CMC2: variants seen among roughly 807,000 people sequenced by gnomAD.
The protein encoded by CMC2 is C-X9-C motif containing 2.
Under a neutral mutation model 7.5 loss-of-function variants are expected in CMC2, and 5 were observed. The ratio of observed to expected loss-of-function variants is 0.66; its 90% CI spans 0.35 to 1.40. CMC2 has a LOEUF of 1.40. Ranked by LOEUF, CMC2 falls within the 40% of genes most tolerant of loss-of-function variation. The pLI is 0.04. For missense variants in CMC2, 115 were observed against 92.3 expected (o/e 1.25, Z -1.01); for synonymous variants, 37 against 31.4 (o/e 1.18, Z -0.60).
Position 81,006,853 on chromosome 16 carries a change from A to C in CMC2, c.-155T>G, listed in dbSNP as rs1322646082. ...GCTTGCCAGACGCCGAAACCCAGTG[A>C]CGCCCTCCACCGCTCCACCGTGCTC... On this transcript the variant is annotated 5_prime_UTR_variant, in exon 1 of 4. Coordinates refer to ENST00000219400, the MANE Select transcript of CMC2 (RefSeq NM_020188.5). 4 of 985,474 alleles carry C rather than the reference A, an allele frequency of 4.1e-6. No homozygotes were observed. Among genetic ancestry groups the C allele is most frequent in the African/African-American group, 1.7e-5 (1 of 57,172 alleles). The allele number at this position is 985,474 out of a possible 1,614,324, so 61.0% of individuals were successfully genotyped here.
At chr16:80,982,299 G>T (rs1967181509) in intron 2 of CMC2, 1 of 153,444 alleles carries the variant, frequency 6.5e-6, no homozygotes, top group South Asian at 2.0e-4. Context: ...ACGAGGTCAG[G>T]CGTCAAGATC....
At chr16:80,996,358 A>T (rs1174937657) in intron 2 of CMC2, among the ~76,000 whole-genome samples, 1 of 152,214 alleles carries the variant, frequency 6.6e-6, no homozygotes, top group Admixed American at 6.5e-5. Flanking sequence ...AAATTGAAAT[A>T]TTCTACTTTA....
Position 80,973,319 on chromosome 16 carries a change from T to C in CMC2, c.*2774A>G, listed in dbSNP as rs952360324. 1 of 152,130 alleles carries C rather than the reference T, an allele frequency of 6.6e-6. No individual in the cohort carries two copies. Among genetic ancestry groups the C allele is most frequent in the Non-Finnish European group, 1.5e-5 (1 of 68,020 alleles). 9.4% of individuals were successfully genotyped at this position (152,130 alleles called of 1,614,324 possible). On this transcript the variant is annotated 3_prime_UTR_variant, in exon 4 of 4. Transcript: ENST00000219400. ...GGCCCCACTCAAACGGTATCAGCCC[T>C]AGTGATTTGGTGCCTTCTACCAAAC...
chr16:81,005,000 G>A (rs1051256711), intron 1 of CMC2, among the ~76,000 whole-genome samples: 10 of 152,152 alleles, frequency 6.6e-5, no homozygotes, highest in African/African-American at 2.4e-4. Flanking sequence ...GGCTGCACAG[G>A]AAATTTACAC....
At chr16:80,997,612 C>G in intron 1 of CMC2, 183 bp from the exon 2 acceptor site, 1 of 440,192 alleles carries the variant, frequency 2.3e-6, no homozygotes, top group South Asian at 3.6e-5. Context: ...TTAAGATATT[C>G]AGCAAGTTAT....
At chr16:80,996,701 T>C (rs980016344) in intron 2 of CMC2, among the ~76,000 whole-genome samples, 8 of 152,218 alleles carry the variant, frequency 5.3e-5, no homozygotes, top group Non-Finnish European at 8.8e-5. Context: ...AAATGCTTCT[T>C]GTAACAACGG....
At chr16:81,000,637 C>T (rs1238291327) in intron 1 of CMC2, among the ~76,000 whole-genome samples, 2 of 152,070 alleles carry the variant, frequency 1.3e-5, no homozygotes, top group East Asian at 3.9e-4. Flanking sequence ...CAAATCAAAA[C>T]CACAATGAGA....
At chr16:81,006,552 C>T (rs1969359628) in intron 1 of CMC2, 182 bp downstream of exon 1, 1 of 275,654 alleles carries the variant, frequency 3.6e-6, no homozygotes, top group South Asian at 1.4e-4. Context: ...AGCGCCCAGC[C>T]ACCTCGCTCG....
rs1448551484 is a variant in CMC2 at position 80,968,933 on chromosome 16, C to T, written c.*7160G>A. The T allele has an allele frequency of 6.6e-6, 1 of 152,190 alleles. No homozygotes were observed. Among genetic ancestry groups the T allele is most frequent in the East Asian group, 1.9e-4 (1 of 5,196 alleles). 9.4% of individuals were successfully genotyped at this position (152,190 alleles called of 1,614,324 possible). The stretch of plus-strand genomic sequence containing the variant: ...GGAATGGTGTGAGAAACAAGAATAT[C>T]ACATAAAGCCAGGAGATGGTAATCC... On this transcript the variant is annotated 3_prime_UTR_variant, in exon 4 of 4. Coordinates refer to ENST00000219400, the MANE Select transcript of CMC2 (RefSeq NM_020188.5).
At position 80,988,634 on chromosome 16, in the gene CMC2, G is replaced by A. The variant is rs772156465; in HGVS notation, c.82-6757C>T. ...AGGACTTAAATTTAAGTCTCCATAC[G>A]ATTACCAAAATTAGGAAATTAACAT... On this transcript the variant is annotated intron_variant, in intron 2 of 3. Coordinates refer to ENST00000219400, the MANE Select transcript of CMC2 (RefSeq NM_020188.5). The A allele has an allele frequency of 4.5e-5, 31 of 696,114 alleles. 1 individual carries two copies. Among genetic ancestry groups the A allele is most frequent in the African/African-American group, 1.9e-4 (11 of 56,700 alleles). 43.1% of individuals were successfully genotyped at this position (696,114 alleles called of 1,614,324 possible). A position where few individuals can be genotyped will look rare whatever the true frequency, so the allele number is the denominator to read the frequency against.
rs1967368683 is a variant in CMC2, at chr16:80,984,445, G to A, written c.82-2568C>T. ...TGCTTCACCACCATTTTAAACGTAC[G>A]TTTCAATTCCACACTGAATAAGTGG... On this transcript the variant is annotated intron_variant, in intron 2 of 3. Coordinates refer to ENST00000219400, the MANE Select transcript of CMC2 (RefSeq NM_020188.5). Among the ~76,000 whole-genome samples, 4 of 152,156 alleles carry A rather than the reference G, an allele frequency of 2.6e-5. No individual in the cohort carries two copies. The South Asian group carries it at 8.3e-4, about 32-fold the overall frequency.
At chr16:80,979,799 T>G (rs1013281665) in intron 3 of CMC2, among the ~76,000 whole-genome samples, 7 of 151,518 alleles carry the variant, frequency 4.6e-5, no homozygotes, top group African/African-American at 1.7e-4. Flanking sequence ...TTTTTTGTAC[T>G]TTCAGTAGAG....
In CMC2 at chr16:80,978,888, T is replaced by C. The variant is rs193015789; in HGVS notation, c.154-2709A>G. Among the ~76,000 whole-genome samples the C allele has an allele frequency of 1.3e-4, 20 of 152,158 alleles. No homozygotes were observed. In the East Asian group the frequency reaches 2.5e-3, roughly 19 times the overall value. ...CAAGCTCAGAAGATCAAGACCATCC[T>C]AGCTAACACGGTGAAGCCCCGTCTC... On this transcript the variant is annotated intron_variant, in intron 3 of 3. Coordinates refer to ENST00000219400, the MANE Select transcript of CMC2 (RefSeq NM_020188.5).
chr16:81,005,076 CAG>C (rs1969160034), intron 1 of CMC2, among the ~76,000 whole-genome samples: 1 of 152,168 alleles, frequency 6.6e-6, no homozygotes, highest in South Asian at 2.1e-4. Context: ...GTCTGTTGTG[CAG>C]AGTCTGAAGA....
chr16:80,968,350 C>G lies in CMC2; in HGVS notation c.*7743G>C, dbSNP rs948591983. 1.3e-5 allele frequency: 2 copies of G among 152,260 alleles called. No individual in the cohort carries two copies. Among genetic ancestry groups the G allele is most frequent in the Non-Finnish European group, 2.9e-5 (2 of 68,122 alleles). 9.4% of individuals were successfully genotyped at this position (152,260 alleles called of 1,614,324 possible). A position where few individuals can be genotyped will look rare whatever the true frequency, so the allele number is the denominator to read the frequency against. ...CCTTCGAAAGTACTGGGATTACAGG[C>G]GCAAGCCACCCCACACGGCTGAGAT... On this transcript the variant is annotated 3_prime_UTR_variant, in exon 4 of 4. Transcript: ENST00000219400.
chr16:80,998,302 A>C (rs577492715), intron 1 of CMC2: 1 of 152,062 alleles, frequency 6.6e-6, no homozygotes, highest in Non-Finnish European at 1.5e-5. Context: ...AATTTTTTTT[A>C]AAGTTCCAAA....
intron 2 of CMC2, among the ~76,000 whole-genome samples, chr16:80,984,893 C>G (rs1447876076): frequency 6.6e-6 from 1 of 152,138 alleles, no homozygotes; most frequent in Non-Finnish European, 1.5e-5. Flanking sequence ...CCCAAGTGCC[C>G]CAGAGAAATT....
intron 2 of CMC2, among the ~76,000 whole-genome samples, chr16:80,993,512 A>G (rs2602450): frequency 0.8 from 121,068 of 152,150 alleles, 48,335 homozygotes; most frequent in South Asian, 0.93. Flanking sequence ...CTACACATGT[A>G]TTGGGTGACT....
chr16:80,995,053 G>C (rs1968298156), intron 2 of CMC2, among the ~76,000 whole-genome samples: 2 of 152,162 alleles, frequency 1.3e-5, no homozygotes, highest in African/African-American at 4.8e-5. Context: ...GGCTGAGGCA[G>C]GAGAATTGCT....
Sources: allele counts gnomAD v4.1 joint callset (sites outside exome capture counted in the v4.1 genomes callset), GRCh38; gene constraint gnomAD v4.1.1; transcripts MANE v1.5; gene names NCBI Gene and HGNC (gene_info 2026-07-23, HGNC 2026-07-21).